PRRX1: variants seen among roughly 807,000 people sequenced by gnomAD.
PRRX1 encodes the protein paired mesoderm homeobox protein 1.
PRRX1 carries 8 observed loss-of-function variants against 24.0 expected under a neutral mutation model. That is an observed-to-expected ratio of 0.33 (90% CI 0.20 to 0.60). The LOEUF is 0.60. PRRX1 is among the 20% of genes least tolerant of loss of function. PRRX1 has a pLI of 0.82. For missense variants in PRRX1, 281 were observed against 322.4 expected (o/e 0.87, Z 0.98); for synonymous variants, 160 against 131.7 (o/e 1.22, Z -1.47).
At chr1:170,684,935 G>C (rs1653680163) in intron 1 of PRRX1, among the ~76,000 whole-genome samples, 1 of 152,146 alleles carries the variant, frequency 6.6e-6, no homozygotes, top group African/African-American at 2.4e-5. Context: ...TAAACCTAGA[G>C]TTATGCCATT....
intron 1 of PRRX1, among the ~76,000 whole-genome samples, chr1:170,717,938 C>A (rs1197388388): frequency 6.6e-6 from 1 of 151,968 alleles, no homozygotes. Context: ...TAAATTTGCT[C>A]CATTTCCAAG....
intron 1 of PRRX1, among the ~76,000 whole-genome samples, chr1:170,695,766 C>T (rs1470649506): frequency 6.6e-6 from 1 of 152,114 alleles, no homozygotes; most frequent in African/African-American, 2.4e-5. Flanking sequence ...TCAGTATGAA[C>T]GTGCATCTTT....
chr1:170,680,344 G>C (rs541077986), intron 1 of PRRX1, among the ~76,000 whole-genome samples: 4 of 152,120 alleles, frequency 2.6e-5, no homozygotes, highest in Admixed American at 6.6e-5. Flanking sequence ...AAGAAAGAAG[G>C]GCACTTGTAG....
intron 1 of PRRX1, among the ~76,000 whole-genome samples, chr1:170,670,988 C>G (rs777742850): frequency 6.6e-6 from 1 of 152,124 alleles, no homozygotes; most frequent in African/African-American, 2.4e-5. Context: ...TGAAGAAGCT[C>G]TAATTCCCGA....
chr1:170,687,091 A>G (rs371012090), intron 1 of PRRX1, among the ~76,000 whole-genome samples: 2 of 149,528 alleles, frequency 1.3e-5, no homozygotes, highest in South Asian at 4.2e-4. Flanking sequence ...AGCTTTTTAC[A>G]AAAAGGTCAT....
chr1:170,665,316 C>A (rs1368143770), intron 1 of PRRX1, among the ~76,000 whole-genome samples: 1 of 152,214 alleles, frequency 6.6e-6, no homozygotes, highest in Non-Finnish European at 1.5e-5. Flanking sequence ...TCCTCACCGA[C>A]CAACCTCGCG....
chr1:170,727,005 T>G (rs1347050915), intron 3 of PRRX1: 1 of 152,480 alleles, frequency 6.6e-6, no homozygotes, highest in Non-Finnish European at 1.5e-5. Context: ...GGTGTGAATT[T>G]CTTATAATGC....
chr1:170,715,694 GAT>G (rs1654883632), intron 1 of PRRX1, among the ~76,000 whole-genome samples: 1 of 152,184 alleles, frequency 6.6e-6, no homozygotes, highest in East Asian at 1.9e-4. Context: ...AGGACTTATG[GAT>G]ATCATTGTAA....
intron 1 of PRRX1, among the ~76,000 whole-genome samples, chr1:170,689,732 T>C (rs1371382610): frequency 2.6e-5 from 4 of 151,084 alleles, no homozygotes; most frequent in Admixed American, 6.6e-5. Context: ...TGGAGTGAGG[T>C]GGGGAGTGCA....
intron 1 of PRRX1, among the ~76,000 whole-genome samples, chr1:170,714,282 G>A (rs557822181): frequency 2.6e-5 from 4 of 152,112 alleles, no homozygotes; most frequent in Admixed American, 6.5e-5. Context: ...AAGGTTACGG[G>A]GCCTGAACCA....
chr1:170,688,257 G>C (rs1017898908), intron 1 of PRRX1, among the ~76,000 whole-genome samples: 4 of 152,020 alleles, frequency 2.6e-5, no homozygotes, highest in Admixed American at 1.3e-4. Context: ...CAAGTACAAA[G>C]TGGGTCCAAA....
upstream of PRRX1, chr1:170,663,231 G>C (rs1167786204): frequency 1.3e-5 from 2 of 152,186 alleles, no homozygotes; most frequent in African/African-American, 4.8e-5. Flanking sequence ...TCTGTGAAAC[G>C]TCAGGCACAG....
chr1:170,709,027 T>C (rs1027863924), intron 1 of PRRX1, among the ~76,000 whole-genome samples: 3 of 152,100 alleles, frequency 2.0e-5, no homozygotes, highest in African/African-American at 7.2e-5. Flanking sequence ...GTACCCAAAA[T>C]ATGGAAGACT....
At chr1:170,718,367 G>A (rs1299249631) in intron 1 of PRRX1, among the ~76,000 whole-genome samples, 1 of 152,152 alleles carries the variant, frequency 6.6e-6, no homozygotes, top group African/African-American at 2.4e-5. Flanking sequence ...TTTTGACTCT[G>A]TACACAAATC....
At chr1:170,669,451 A>AAAAAAAAAAAAAAAAAAAAAAC (rs1653068426) in intron 1 of PRRX1, 1 of 147,718 alleles carries the variant, frequency 6.8e-6, no homozygotes, top group African/African-American at 2.5e-5. Flanking sequence ...AAAAAAAAAA[A>AAAAAAAAAAAAAAAAAAAAAAC]AAATTCAGAA....
At chr1:170,725,162 A>G (rs1269841163) in intron 2 of PRRX1, among the ~76,000 whole-genome samples, 1 of 152,180 alleles carries the variant, frequency 6.6e-6, no homozygotes, top group East Asian at 1.9e-4. Flanking sequence ...GTTGCTTATC[A>G]GCTTAAGAAG....
intron 1 of PRRX1, chr1:170,669,159 C>G (rs1210953435): frequency 6.6e-6 from 1 of 151,874 alleles, no homozygotes; most frequent in African/African-American, 2.4e-5. Context: ...CTCCAGATCC[C>G]CCAACTCTGG....
At chr1:170,665,391 A>T (rs1652884731) in intron 1 of PRRX1, among the ~76,000 whole-genome samples, 2 of 152,280 alleles carry the variant, frequency 1.3e-5, no homozygotes, top group South Asian at 4.1e-4. Flanking sequence ...CCATGCCCCC[A>T]AGTCTGTAAC....
chr1:170,737,309 A>G lies in PRRX1; in HGVS notation c.*1123A>G, dbSNP rs1655646230. The stretch of plus-strand genomic sequence containing the variant: ...GATCTTGCTGCTTTTCTTTTTCTAC[A>G]CGAAGTTTTCATTAAAGCCACAGAA... On this transcript the variant is annotated 3_prime_UTR_variant, in exon 4 of 4. Coordinates refer to ENST00000239461, the MANE Select transcript of PRRX1 (RefSeq NM_022716.4). The G allele has an allele frequency of 5.3e-6, 1 of 188,796 alleles. No individual in the cohort carries two copies. The highest frequency in any genetic ancestry group is 2.3e-5 in the African/African-American group (1 of 42,764). 11.7% of individuals were successfully genotyped at this position (188,796 alleles called of 1,614,324 possible).
Sources: allele counts gnomAD v4.1 joint callset (sites outside exome capture counted in the v4.1 genomes callset), GRCh38; gene constraint gnomAD v4.1.1; transcripts MANE v1.5; gene names NCBI Gene and HGNC (gene_info 2026-07-23, HGNC 2026-07-21).